RBFOX1: variants seen among roughly 807,000 people sequenced by gnomAD.
RBFOX1 encodes the protein RNA binding protein fox-1 homolog 1.
A neutral mutation model predicts 57.7 loss-of-function variants in RBFOX1; 8 were observed. That is an observed-to-expected ratio of 0.14 (90% confidence interval 0.08 to 0.25). The LOEUF (loss-of-function observed/expected upper bound fraction) is 0.25, where lower values mean the gene tolerates loss of function less well. RBFOX1 is among the 10% of genes least tolerant of loss of function. The pLI, the probability that RBFOX1 is intolerant of heterozygous loss-of-function variation, is 1.00. For missense variants in RBFOX1, 611 were observed against 548.5 expected, an observed-to-expected ratio of 1.11 and a Z score of -1.14; for synonymous variants, 326 against 222.4, an observed-to-expected ratio of 1.47 and a Z score of -4.15.
At chr16:7,629,047 G>A (rs879277211) in intron 10 of RBFOX1, among the ~76,000 whole-genome samples, 7 of 152,216 alleles carry the variant, frequency 4.6e-5, no homozygotes, top group Non-Finnish European at 8.8e-5. Flanking sequence ...TCACTGTTGT[G>A]TGAAGGGCTA....
At chr16:6,762,820 C>T (rs2076809776) in intron 3 of RBFOX1, among the ~76,000 whole-genome samples, 1 of 152,120 alleles carries the variant, frequency 6.6e-6, no homozygotes, top group Non-Finnish European at 1.5e-5. Context: ...AAATAAAAAC[C>T]AGGTGTTACC....
intron 3 of RBFOX1, among the ~76,000 whole-genome samples, chr16:6,984,928 A>G (rs541768356): frequency 1.3e-5 from 2 of 152,262 alleles, no homozygotes; most frequent in South Asian, 2.1e-4. Context: ...GGTATGAGAC[A>G]TTGCACCCGG....
At chr16:6,701,157 G>GTA (rs993657818) in intron 3 of RBFOX1, among the ~76,000 whole-genome samples, 2 of 151,894 alleles carry the variant, frequency 1.3e-5, no homozygotes, top group African/African-American at 4.8e-5. Context: ...GTGTGTGTGT[G>GTA]TTTGTCTTGG....
At chr16:7,503,705 A>ATT (rs2071786156) in intron 4 of RBFOX1, among the ~76,000 whole-genome samples, 1 of 152,218 alleles carries the variant, frequency 6.6e-6, no homozygotes. Context: ...CAGGAGGTGG[A>ATT]GAATCCCTAT....
intron 4 of RBFOX1, among the ~76,000 whole-genome samples, chr16:7,217,292 C>CTTT (rs71147672): frequency 0.3 from 31,179 of 103,852 alleles, 6,156 homozygotes; most frequent in Non-Finnish European, 0.36. Flanking sequence ...TCTTATTCTT[C>CTTT]TTTTTTTTTT....
intron 14 of RBFOX1, among the ~76,000 whole-genome samples, chr16:7,677,488 C>T (rs1415927893): frequency 6.6e-6 from 1 of 152,032 alleles, no homozygotes; most frequent in Non-Finnish European, 1.5e-5. Context: ...TTGAGGAATG[C>T]AGAAGTCAGA....
chr16:7,612,837 G>T (rs1332234799), intron 10 of RBFOX1, among the ~76,000 whole-genome samples: 1 of 152,100 alleles, frequency 6.6e-6, no homozygotes, highest in Non-Finnish European at 1.5e-5. Context: ...CACCCACGTT[G>T]TATATCATAT....
At chr16:5,720,212 A>C (rs1178153303) in intron 3 of RBFOX1, among the ~76,000 whole-genome samples, 1 of 152,110 alleles carries the variant, frequency 6.6e-6, no homozygotes, top group Non-Finnish European at 1.5e-5. Flanking sequence ...GGTCATTTGT[A>C]GTAGGTCTTT....
In RBFOX1 at chr16:5,855,976, CTTT is replaced by C. The variant is rs1160702604; in HGVS notation, c.319-11309_319-11307del. ...TAAGTTTATTCCTATGTATGTTATT[CTTT>C]TTTTTTTTTTTTTTTTTGCTATCGT... On this transcript the variant is annotated intron_variant, in intron 3 of 19. Coordinates refer to the RBFOX1 transcript ENST00000641259. Among the ~76,000 whole-genome samples, 86 of 77,696 alleles carry C rather than the reference CTTT, an allele frequency of 1.1e-3. 1 individual carries two copies. The highest frequency in any genetic ancestry group is 4.0e-3 in the African/African-American group (81 of 20,330). The allele number at this position is 77,696 out of a possible 152,430, so 51.0% of individuals were successfully genotyped here.
chr16:6,953,996 C>G lies in RBFOX1; in HGVS notation c.-15-98061C>G, dbSNP rs538970684. Among the ~76,000 whole-genome samples, 9 of 152,230 alleles carry G rather than the reference C, an allele frequency of 5.9e-5. No homozygotes were observed. In the South Asian group the frequency reaches 1.9e-3, roughly 32 times the overall value. The stretch of plus-strand genomic sequence containing the variant: ...AGTTTTACATACCCGATAGGTCTTA[C>G]GCACATGTCAAGACAAGGTATTGAG... On this transcript the variant is annotated intron_variant, in intron 3 of 15. Transcript: ENST00000550418.
At chr16:6,909,488 G>A (rs6500870) in intron 3 of RBFOX1, among the ~76,000 whole-genome samples, 73,531 of 152,068 alleles carry the variant, frequency 0.48, 18,059 homozygotes, top group East Asian at 0.61. Context: ...TTTGGCATGA[G>A]ACAAGATTCT....
chr16:7,566,009 C>T (rs1215306911), intron 5 of RBFOX1, among the ~76,000 whole-genome samples: 3 of 152,102 alleles, frequency 2.0e-5, no homozygotes, highest in East Asian at 1.9e-4. Flanking sequence ...ACTTGCCGAG[C>T]GCCTACTATG....
At chr16:6,694,136 C>T (rs112999482) in intron 3 of RBFOX1, among the ~76,000 whole-genome samples, 2 of 152,318 alleles carry the variant, frequency 1.3e-5, no homozygotes, top group Non-Finnish European at 2.9e-5. Context: ...TGTTTAACCT[C>T]ATCATGACTC....
intron 3 of RBFOX1, among the ~76,000 whole-genome samples, chr16:5,639,686 G>A (rs2048798713): frequency 6.6e-6 from 1 of 152,234 alleles, no homozygotes; most frequent in Middle Eastern, 3.4e-3. Context: ...CCATGCACAT[G>A]CCTACCAGGC....
At chr16:7,303,840 T>A (rs1348493151) in intron 4 of RBFOX1, among the ~76,000 whole-genome samples, 1 of 134,048 alleles carries the variant, frequency 7.5e-6, no homozygotes, top group Non-Finnish European at 1.6e-5. Context: ...CACCCCTTCC[T>A]CCTCTCCCTC....
At chr16:6,711,979 A>T (rs907318676) in intron 3 of RBFOX1, among the ~76,000 whole-genome samples, 1 of 152,114 alleles carries the variant, frequency 6.6e-6, no homozygotes, top group Admixed American at 6.5e-5. Flanking sequence ...CATTTTGTAT[A>T]GTATACGTTT....
intron 4 of RBFOX1, among the ~76,000 whole-genome samples, chr16:7,189,895 GA>G (rs1478375333): frequency 6.6e-6 from 1 of 152,166 alleles, no homozygotes. Context: ...ACATCCATAA[GA>G]AAAACAGATC....
intron 5 of RBFOX1, among the ~76,000 whole-genome samples, chr16:7,529,668 C>T (rs1195802532): frequency 6.6e-6 from 1 of 152,170 alleles, no homozygotes; most frequent in African/African-American, 2.4e-5. Context: ...TGTCCAGCCT[C>T]TGAAGATACT....
intron 14 of RBFOX1, chr16:7,693,242 A>AATTGGCAT: frequency 7.7e-7 from 1 of 1,295,424 alleles, no homozygotes; most frequent in Non-Finnish European, 1.1e-6. Context: ...TCATCTGTAC[A>AATTGGCAT]CATCGAAGCA....
Sources: allele counts gnomAD v4.1 joint callset (sites outside exome capture counted in the v4.1 genomes callset), GRCh38; gene constraint gnomAD v4.1.1; transcripts MANE v1.5; gene names NCBI Gene and HGNC (gene_info 2026-07-23, HGNC 2026-07-21).